GALNT7: variants seen among roughly 807,000 people sequenced by gnomAD.
GALNT7 encodes the protein polypeptide N-acetylgalactosaminyltransferase 7, also known as N-acetylgalactosaminyltransferase 7.
A neutral mutation model predicts 82.1 loss-of-function variants in GALNT7; 60 were observed. The observed-to-expected ratio is 0.73, with a 90% CI of 0.59 to 0.91. The LOEUF is 0.91. Ranked by LOEUF, GALNT7 falls within the 40% of genes least tolerant of loss-of-function variation. The pLI is 0.00. For missense variants in GALNT7, 660 were observed against 804.2 expected (o/e 0.82, Z 2.17); for synonymous variants, 243 against 275.1 (o/e 0.88, Z 1.15).
chr4:173,298,445 T>G, intron 6 of GALNT7, 148 bp downstream of exon 6: 1 of 585,028 alleles, frequency 1.7e-6, no homozygotes. Context: ...TTCAGAGCTT[T>G]CAATCTGCTC....
intron 1 of GALNT7, among the ~76,000 whole-genome samples, chr4:173,230,675 T>G (rs1734000654): frequency 6.6e-6 from 1 of 152,198 alleles, no homozygotes. Context: ...AACATTTTCA[T>G]GTGTCCTAGA....
At chr4:173,226,819 TG>T in intron 1 of GALNT7, among the ~76,000 whole-genome samples, 1 of 152,342 alleles carries the variant, frequency 6.6e-6, no homozygotes, top group East Asian at 1.9e-4. Flanking sequence ...GGTGAGGCTA[TG>T]TTACAAATGC....
At chr4:173,194,211 C>G (rs542803921) in intron 1 of GALNT7, among the ~76,000 whole-genome samples, 7 of 152,266 alleles carry the variant, frequency 4.6e-5, no homozygotes, top group Non-Finnish European at 8.8e-5. Context: ...AGGATGTAAA[C>G]TAATTGGGGT....
intron 1 of GALNT7, among the ~76,000 whole-genome samples, chr4:173,240,558 G>A (rs1579945018): frequency 1.3e-5 from 2 of 151,896 alleles, no homozygotes; most frequent in Non-Finnish European, 2.9e-5. Flanking sequence ...TAGTAGAGGT[G>A]GGGTTTCTCC....
intron 11 of GALNT7, among the ~76,000 whole-genome samples, chr4:173,321,038 T>C (rs1364069826): frequency 6.6e-6 from 1 of 152,144 alleles, no homozygotes; most frequent in African/African-American, 2.4e-5. Context: ...ATGATGAAAA[T>C]AGTTTCGGCC....
Position 173,321,663 on chromosome 4 carries a change from T to G in GALNT7, c.1920T>G (p.Cys640Trp). Reference protein sequence around the residue: ...EVLHQVFISNCDSSKTTQKWE... With the variant: ...EVLHQVFISNWDSSKTTQKWE... ...TGCATCAAGTATTCATCTCCAATTG[T>G]GACTCCAGTAAAACGACTCAAAAAT... is the stretch of plus-strand genomic sequence containing the variant. The change falls in exon 12 of 12, where the codon TGT becomes TGG. Residue 640 changes from cysteine (C) to tryptophan (W), a missense_variant. Coordinates refer to ENST00000265000, the MANE Select transcript of GALNT7 (RefSeq NM_017423.3). 6.2e-7 allele frequency: 1 copy of G among 1,606,060 alleles called. No individual in the cohort carries two copies. The highest frequency in any genetic ancestry group is 8.5e-7 in the Non-Finnish European group (1 of 1,172,814).
chr4:173,323,334 A>C lies in GALNT7; in HGVS notation c.*1617A>C, dbSNP rs1384451567. On this transcript the variant is annotated 3_prime_UTR_variant, in exon 12 of 12. Transcript: ENST00000265000. ...TAAATTTGGAGACTCAAAGTTAAAC[A>C]TCCTCAACAGAGTTTTATTTATAAT... 1 of 152,576 alleles carries C rather than the reference A, an allele frequency of 6.6e-6. No homozygotes were observed. The highest frequency in any genetic ancestry group is 1.5e-5 in the Non-Finnish European group (1 of 67,968). The allele number at this position is 152,576 out of a possible 1,614,324, so 9.5% of individuals were successfully genotyped here. A position where few individuals can be genotyped will look rare whatever the true frequency, so the allele number is the denominator to read the frequency against.
chr4:173,256,036 T>C (rs930348224), intron 2 of GALNT7, among the ~76,000 whole-genome samples: 1 of 152,202 alleles, frequency 6.6e-6, no homozygotes, highest in Non-Finnish European at 1.5e-5. Flanking sequence ...TGCATATTAA[T>C]GTTTGGAAGT....
chr4:173,182,844 A>ACACT (rs1732297730), intron 1 of GALNT7, among the ~76,000 whole-genome samples: 1 of 139,114 alleles, frequency 7.2e-6, no homozygotes, highest in African/African-American at 2.7e-5. Context: ...ACACACACAC[A>ACACT]GCTTTTTCTC....
intron 3 of GALNT7, among the ~76,000 whole-genome samples, 185 bp from the exon 4 acceptor site, chr4:173,295,211 G>A (rs950864728): frequency 3.9e-5 from 6 of 152,152 alleles, no homozygotes; most frequent in Non-Finnish European, 8.8e-5. Context: ...GTTCTCTGTA[G>A]GCATAGTAAA....
At chr4:173,256,418 T>G (rs1735039552) in intron 2 of GALNT7, among the ~76,000 whole-genome samples, 1 of 152,212 alleles carries the variant, frequency 6.6e-6, no homozygotes, top group African/African-American at 2.4e-5. Context: ...ATGCAAAAAT[T>G]AGTTGCAATT....
At chr4:173,288,301 A>AAAAAAAAAAAAAAAAAAAAAG (rs1289159201) in intron 2 of GALNT7, among the ~76,000 whole-genome samples, 6 of 148,358 alleles carry the variant, frequency 4.0e-5, no homozygotes, top group African/African-American at 1.6e-4. Flanking sequence ...AAAAAAAAAA[A>AAAAAAAAAAAAAAAAAAAAAG]AAAAGAAAAG....
chr4:173,188,930 C>A (rs1433897487), intron 1 of GALNT7, among the ~76,000 whole-genome samples: 2 of 152,182 alleles, frequency 1.3e-5, no homozygotes. Flanking sequence ...TTATATTATT[C>A]CCCTGTCCGC....
intron 2 of GALNT7, among the ~76,000 whole-genome samples, chr4:173,276,368 T>A (rs917136306): frequency 6.6e-6 from 1 of 152,156 alleles, no homozygotes; most frequent in African/African-American, 2.4e-5. Context: ...TTCACAGGGA[T>A]TGATTGATAA....
intron 1 of GALNT7, among the ~76,000 whole-genome samples, chr4:173,175,092 A>C (rs1055340589): frequency 2.0e-5 from 3 of 152,246 alleles, no homozygotes; most frequent in African/African-American, 7.2e-5. Context: ...GCAAGATTTG[A>C]GTAGCTATTG....
Position 173,321,795 on chromosome 4 carries a change from C to A in GALNT7, c.*78C>A. On this transcript the variant is annotated 3_prime_UTR_variant, in exon 12 of 12. Coordinates refer to ENST00000265000, the MANE Select transcript of GALNT7 (RefSeq NM_017423.3). ...ACTGAAAACCGCCTGAAACCTGCTG[C>A]AACTATTGTTATTAACTCTGTATAG... 1 of 946,348 alleles carries A rather than the reference C, an allele frequency of 1.1e-6. No individual in the cohort carries two copies. The highest frequency in any genetic ancestry group is 1.7e-6 in the Non-Finnish European group (1 of 602,390). 58.6% of individuals were successfully genotyped at this position (946,348 alleles called of 1,614,324 possible). A position where few individuals can be genotyped will look rare whatever the true frequency, so the allele number is the denominator to read the frequency against.
chr4:173,258,071 C>G (rs1735111630), intron 2 of GALNT7, among the ~76,000 whole-genome samples: 1 of 152,216 alleles, frequency 6.6e-6, no homozygotes, highest in Non-Finnish European at 1.5e-5. Context: ...CAGAGAAACT[C>G]TCTTGAAAGC....
chr4:173,266,103 C>CA (rs747645357), intron 2 of GALNT7, among the ~76,000 whole-genome samples: 33 of 152,074 alleles, frequency 2.2e-4, no homozygotes, highest in Non-Finnish European at 3.8e-4. Flanking sequence ...ACTACAAATA[C>CA]AAAAAAATTA....
At chr4:173,261,794 G>A (rs1735274871) in intron 2 of GALNT7, among the ~76,000 whole-genome samples, 1 of 152,092 alleles carries the variant, frequency 6.6e-6, no homozygotes, top group African/African-American at 2.4e-5. Context: ...ACTTCAGCCT[G>A]GGGGACAGAG....
Sources: allele counts gnomAD v4.1 joint callset (sites outside exome capture counted in the v4.1 genomes callset), GRCh38; gene constraint gnomAD v4.1.1; transcripts MANE v1.5; gene names NCBI Gene and HGNC (gene_info 2026-07-23, HGNC 2026-07-21).